The following MICAL3 variants were observed in gnomAD, a reference collection of about 807,000 sequenced individuals.
MICAL3 encodes the protein microtubule associated monooxygenase, calponin and LIM domain containing 3.
In MICAL3, 62 loss-of-function variants were observed where a neutral mutation model predicts 207.4. That is an observed-to-expected ratio of 0.30 (90% CI 0.24 to 0.37). MICAL3 has a LOEUF of 0.37. Ranked by LOEUF, MICAL3 falls within the 10% of genes least tolerant of loss-of-function variation. The probability of loss-of-function intolerance (pLI) is 1.00; values close to 1 mark genes in which losing one functional copy is unlikely to be tolerated. For synonymous variants in MICAL3, 1,077 were observed against 1,069.3 expected (o/e 1.01, Z -0.14); for missense variants, 2,368 against 2,635.6 (o/e 0.90, Z 2.22).
intron 1 of MICAL3, among the ~76,000 whole-genome samples, chr22:17,955,906 G>C (rs1266023135): frequency 1.3e-5 from 2 of 152,220 alleles, no homozygotes; most frequent in African/African-American, 4.8e-5. Flanking sequence ...GTTTGCTCCA[G>C]CTTTCCTAAG....
Position 18,023,454 on chromosome 22 carries a change from A to G in MICAL3, c.-75+827T>C, listed in dbSNP as rs140204429. 7.2e-4 allele frequency among the ~76,000 whole-genome samples: 109 copies of G among 152,210 alleles called. 2 individuals carry two copies. Among genetic ancestry groups the G allele is most frequent in the Middle Eastern group, 3.4e-3 (1 of 294 alleles). The stretch of plus-strand genomic sequence containing the variant: ...TTCATTTCTTTACAATGAAAATTCT[A>G]AATAGTTGATCACAGTGCCAGACCA... On this transcript the variant is annotated intron_variant, in intron 1 of 31. Transcript: ENST00000441493.
intron 19 of MICAL3, among the ~76,000 whole-genome samples, chr22:17,846,502 C>CAAGATAGT (rs1271895891): frequency 6.6e-6 from 1 of 152,120 alleles, no homozygotes; most frequent in African/African-American, 2.4e-5. Context: ...GATGAGAAAC[C>CAAGATAGT]AAGATAGTGA....
rs775785577 is a variant in MICAL3, at chr22:17,817,475, A to C, written c.5186T>G (p.Leu1729Arg). The C allele has an allele frequency of 1.2e-6, 2 of 1,613,648 alleles. No individual in the cohort carries two copies. The highest frequency in any genetic ancestry group is 2.2e-5 in the South Asian group (2 of 91,072). ...RPPEKPSSNL[L>R]EEAAAKPKSL... ...CTTGGGTTTGGCGGCGGCTTCTTCT[A>C]GGAGGTTGGAGCTGGGCTTCTCCGG... The change falls in exon 26 of 32, where the codon CTA (leucine) becomes CGA (arginine). Residue 1729 changes from leucine to arginine, a missense_variant. Transcript: ENST00000441493.
intron 1 of MICAL3, among the ~76,000 whole-genome samples, chr22:17,970,680 G>A (rs1334384608): frequency 1.3e-5 from 2 of 152,190 alleles, no homozygotes; most frequent in South Asian, 2.1e-4. Context: ...CACAGTAGGT[G>A]CCTTAAACAG....
At chr22:17,865,169 G>A (rs1171827713) in intron 18 of MICAL3, among the ~76,000 whole-genome samples, 183 bp from the exon 19 acceptor site, 3 of 151,254 alleles carry the variant, frequency 2.0e-5, no homozygotes, top group East Asian at 1.9e-4. Flanking sequence ...GGAGTGCAGC[G>A]GCATCATCAT....
chr22:17,851,327 G>A (rs1429204085), intron 19 of MICAL3, among the ~76,000 whole-genome samples: 2 of 152,148 alleles, frequency 1.3e-5, no homozygotes, highest in African/African-American at 4.8e-5. Flanking sequence ...GTCGTTACCC[G>A]ATCCTGCTTC....
Position 17,902,831 on chromosome 22 carries a change from C to T in MICAL3, c.473-84G>A. The T allele has an allele frequency of 1.3e-6, 1 of 756,190 alleles. No individual in the cohort carries two copies. The highest frequency in any genetic ancestry group is 2.2e-6 in the Non-Finnish European group (1 of 446,158). The allele number at this position is 756,190 out of a possible 1,614,324, so 46.8% of individuals were successfully genotyped here. A position where few individuals can be genotyped will look rare whatever the true frequency, so the allele number is the denominator to read the frequency against. ...TGTCGCAGCTCAGGCTCCCACCCCG[C>T]CACCTACGCCCCCTTCATTCAGATT... On this transcript the variant is annotated intron_variant, in intron 3 of 31. Transcript: ENST00000441493. This position sits in a 1 kb window ranked among gnomAD's most constrained non-coding sequence, Gnocchi z 4.5.
At chr22:17,862,294 C>T (rs1265354995) in intron 19 of MICAL3, 1 of 963,540 alleles carries the variant, frequency 1.0e-6, no homozygotes, top group Non-Finnish European at 1.2e-6. Context: ...CTTGCTCTGT[C>T]ATCAGGCTGG....
At chr22:17,997,577 G>A (rs1377578177) in intron 1 of MICAL3, among the ~76,000 whole-genome samples, 2 of 152,096 alleles carry the variant, frequency 1.3e-5, no homozygotes, top group African/African-American at 4.8e-5. Context: ...CAGGCGTCAG[G>A]GCTCTCAGGC....
chr22:17,918,087 A>T lies in MICAL3; in HGVS notation c.-74-11201T>A, dbSNP rs906522612. Among the ~76,000 whole-genome samples, 17 of 152,304 alleles carry T rather than the reference A, an allele frequency of 1.1e-4. No individual in the cohort carries two copies. The East Asian group carries it at 1.9e-3, about 17-fold the overall frequency. On this transcript the variant is annotated intron_variant, in intron 1 of 31. Coordinates refer to ENST00000441493, the MANE Select transcript of MICAL3 (RefSeq NM_015241.3). Reference sequence around the variant, plus strand: ...AATTTCCTCAGCTGATTCAGCCATGACTTCCCATCTCAGCCAGCATAAAAG... The same window carrying T: ...AATTTCCTCAGCTGATTCAGCCATGTCTTCCCATCTCAGCCAGCATAAAAG...
intron 19 of MICAL3, among the ~76,000 whole-genome samples, chr22:17,859,552 A>G (rs1423852540): frequency 2.0e-5 from 3 of 152,238 alleles, no homozygotes; most frequent in Non-Finnish European, 4.4e-5. Context: ...CAGGCTGGAG[A>G]AGGGCCAAAA....
At position 17,841,594 on chromosome 22, in the gene MICAL3, G is replaced by A. The variant is rs1332415048; in HGVS notation, c.2801+228C>T. ...AGACTTGGAGCTGGGGACATGTCAG[G>A]TCCTCAAGGAATAAATACTTCCTGA... On this transcript the variant is annotated intron_variant, in intron 20 of 31. Transcript: ENST00000441493. This position sits in a 1 kb window ranked among gnomAD's most constrained non-coding sequence, Gnocchi z 4.2. 1 of 586,958 alleles carries A rather than the reference G, an allele frequency of 1.7e-6. No homozygotes were observed. The highest frequency in any genetic ancestry group is 3.0e-5 in the Admixed American group (1 of 33,812). 36.4% of individuals were successfully genotyped at this position (586,958 alleles called of 1,614,324 possible). A position where few individuals can be genotyped will look rare whatever the true frequency, so the allele number is the denominator to read the frequency against.
intron 1 of MICAL3, among the ~76,000 whole-genome samples, chr22:18,023,431 C>T (rs8135070): frequency 0.055 from 7,152 of 130,386 alleles, 479 homozygotes; most frequent in African/African-American, 0.15. Context: ...ACCCTTTTTT[C>T]ATTTCTTTAC....
intron 1 of MICAL3, among the ~76,000 whole-genome samples, chr22:17,913,474 C>T (rs531577243): frequency 1.3e-5 from 2 of 152,090 alleles, no homozygotes; most frequent in Non-Finnish European, 2.9e-5. Context: ...GCTACCAAAA[C>T]GTGGTATCCA....
chr22:17,913,296 C>T (rs966401090), intron 1 of MICAL3, among the ~76,000 whole-genome samples: 2 of 152,104 alleles, frequency 1.3e-5, no homozygotes, highest in African/African-American at 2.4e-5. Flanking sequence ...CGCTATAACC[C>T]GACCTGGAGT....
intron 19 of MICAL3, among the ~76,000 whole-genome samples, chr22:17,847,766 A>C (rs1924788158): frequency 6.6e-6 from 1 of 152,244 alleles, no homozygotes; most frequent in Non-Finnish European, 1.5e-5. Flanking sequence ...ACCAGGCGGT[A>C]CTGGGTATTT....
chr22:17,817,586 G>A lies in MICAL3; in HGVS notation c.5075C>T (p.Ser1692Phe). ...PDGSFTSSEGSSGKSKKRSSL... is the reference protein window; with the variant it reads ...PDGSFTSSEGFSGKSKKRSSL... ...CGACCTCTTCTTGCTCTTCCCACTG[G>A]AGCCCTCGGATGAAGTGAAAGAGCC... Residue 1692 changes from serine to phenylalanine, a missense_variant, in exon 26 of 32, where the codon TCC becomes TTC. Coordinates refer to ENST00000441493, the MANE Select transcript of MICAL3 (RefSeq NM_015241.3). 6.2e-7 allele frequency: 1 copy of A among 1,613,230 alleles called. No individual in the cohort carries two copies. Among genetic ancestry groups the A allele is most frequent in the Non-Finnish European group, 8.5e-7 (1 of 1,179,778 alleles).
chr22:17,820,646 G>A (rs76706960), intron 25 of MICAL3, among the ~76,000 whole-genome samples: 2,757 of 152,130 alleles, frequency 0.018, 81 homozygotes, highest in African/African-American at 0.064. Context: ...GAGCCACCGC[G>A]CCTGGCCAGA....
intron 1 of MICAL3, among the ~76,000 whole-genome samples, chr22:17,987,618 T>C (rs1268394446): frequency 1.3e-5 from 2 of 152,206 alleles, no homozygotes; most frequent in Admixed American, 1.3e-4. Flanking sequence ...TATTTACCTA[T>C]GGCAGGTACT....
Sources: gnomAD v4.1 joint callset for allele counts (sites outside exome capture counted in the v4.1 genomes callset) on GRCh38, gnomAD v4.1.1 for gene constraint, Gnocchi (gnomAD v3.1) non-coding constraint, MANE v1.5 for transcripts, NCBI Gene and HGNC (gene_info 2026-07-23, HGNC 2026-07-21) for gene names.